NEDD9: variants seen among roughly 807,000 people sequenced by gnomAD.
NEDD9 encodes the protein enhancer of filamentation 1.
A neutral mutation model predicts 76.6 loss-of-function variants in NEDD9; 26 were observed. The observed-to-expected ratio is 0.34, with a 90% CI of 0.25 to 0.47. The LOEUF is 0.47. Among genes scored for constraint, NEDD9 ranks in the 20% least tolerant of loss-of-function variants. The probability of loss-of-function intolerance (pLI) is 1.00; values close to 1 mark genes in which losing one functional copy is unlikely to be tolerated. For synonymous variants in NEDD9, 392 were observed against 414.2 expected (o/e 0.95, Z 0.65); for missense variants, 937 against 1,058.5 (o/e 0.89, Z 1.59).
intron 3 of NEDD9, among the ~76,000 whole-genome samples, chr6:11,262,051 C>A (rs1581988443): frequency 6.6e-6 from 1 of 152,216 alleles, no homozygotes; most frequent in African/African-American, 2.4e-5. Flanking sequence ...AAATTGAGAG[C>A]CTTATGTATT....
chr6:11,360,929 T>G (rs1762669833), intron 1 of NEDD9, among the ~76,000 whole-genome samples: 1 of 152,232 alleles, frequency 6.6e-6, no homozygotes, highest in Non-Finnish European at 1.5e-5. Context: ...TAGAGCAGAC[T>G]GTCCACCCAG....
At chr6:11,236,925 C>A (rs963803509), upstream of NEDD9, among the ~76,000 whole-genome samples, 1 of 152,172 alleles carries the variant, frequency 6.6e-6, no homozygotes, top group Non-Finnish European at 1.5e-5. The surrounding 1 kb of genome is among the most constrained non-coding windows in gnomAD (Gnocchi z 5.5). Flanking sequence ...GACCCCCATC[C>A]CACCCTCTAG....
chr6:11,329,613 T>C (rs1055248881), intron 2 of NEDD9, among the ~76,000 whole-genome samples: 1 of 152,214 alleles, frequency 6.6e-6, no homozygotes, highest in African/African-American at 2.4e-5. Context: ...CCCTGTGCAA[T>C]GTCCCTCCCC....
intron 3 of NEDD9, among the ~76,000 whole-genome samples, chr6:11,302,718 A>G (rs918089139): frequency 6.6e-6 from 1 of 152,204 alleles, no homozygotes; most frequent in Non-Finnish European, 1.5e-5. Context: ...AACATACACA[A>G]ATCTGTAAAT....
At chr6:11,223,711 T>G (rs1379797389) in intron 1 of NEDD9, among the ~76,000 whole-genome samples, 2 of 152,204 alleles carry the variant, frequency 1.3e-5, no homozygotes, top group Non-Finnish European at 2.9e-5. Flanking sequence ...CAAGAACAAT[T>G]GGATGCAAAT....
intron 3 of NEDD9, among the ~76,000 whole-genome samples, chr6:11,299,710 CA>C (rs1760991959): frequency 6.6e-6 from 1 of 152,188 alleles, no homozygotes. Flanking sequence ...TGGTGATACC[CA>C]GGCAAACAGG....
At chr6:11,284,081 C>A (rs1448450017) in intron 3 of NEDD9, among the ~76,000 whole-genome samples, 1 of 152,046 alleles carries the variant, frequency 6.6e-6, no homozygotes, top group African/African-American at 2.4e-5. Context: ...CAATCTCCTC[C>A]AGGGTTTTAG....
chr6:11,235,997 C>T (rs573182276), upstream of NEDD9, among the ~76,000 whole-genome samples: 1 of 152,280 alleles, frequency 6.6e-6, no homozygotes, highest in East Asian at 1.9e-4. This position sits in a 1 kb window ranked among gnomAD's most constrained non-coding sequence, Gnocchi z 4.1. Context: ...GAGCTCTGGT[C>T]TTAATGCAGC....
chr6:11,335,495 C>A (rs112899094), intron 1 of NEDD9, among the ~76,000 whole-genome samples: 4 of 152,168 alleles, frequency 2.6e-5, no homozygotes, highest in Admixed American at 2.6e-4. Context: ...CACAACAACA[C>A]CCGACTGCAC....
intron 1 of NEDD9, among the ~76,000 whole-genome samples, chr6:11,356,474 G>C (rs1762577300): frequency 6.6e-6 from 1 of 152,110 alleles, no homozygotes; most frequent in African/African-American, 2.4e-5. Context: ...AAATGGCCAG[G>C]ACACATCATT....
chr6:11,252,364 A>G lies in NEDD9; in HGVS notation c.13-38637T>C, dbSNP rs1375605186. Among the ~76,000 whole-genome samples, 1 of 152,210 alleles carries G rather than the reference A, an allele frequency of 6.6e-6. No individual in the cohort carries two copies. Among genetic ancestry groups the G allele is most frequent in the East Asian group, 1.9e-4 (1 of 5,200 alleles). On this transcript the variant is annotated intron_variant, in intron 3 of 3. Transcript: ENST00000397378. The surrounding 1 kb of genome is among the most constrained non-coding windows in gnomAD (Gnocchi z 4.3). ...TCAAGCAAAAGAATAGTAGTTTCCT[A>G]TTGCAATATCGGAACCAGCTCTCAC...
upstream of NEDD9, among the ~76,000 whole-genome samples, chr6:11,233,950 A>G (rs909083421): frequency 2.0e-5 from 3 of 151,988 alleles, no homozygotes; most frequent in African/African-American, 7.3e-5. Flanking sequence ...ACAAATTCCC[A>G]ATGGATGAAA....
At chr6:11,349,471 T>C (rs1274955026) in intron 1 of NEDD9, among the ~76,000 whole-genome samples, 2 of 152,178 alleles carry the variant, frequency 1.3e-5, no homozygotes, top group Non-Finnish European at 2.9e-5. Flanking sequence ...CATGCACATG[T>C]TATGTTTATT....
chr6:11,335,252 G>A (rs1762132808), intron 1 of NEDD9, among the ~76,000 whole-genome samples: 1 of 152,152 alleles, frequency 6.6e-6, no homozygotes, highest in African/African-American at 2.4e-5. Context: ...TGACGACCAG[G>A]TGAGTGGTTG....
chr6:11,234,705 A>G (rs1322612225), upstream of NEDD9, among the ~76,000 whole-genome samples: 1 of 125,926 alleles, frequency 7.9e-6, no homozygotes, highest in Non-Finnish European at 1.6e-5. Flanking sequence ...ACCTCAAAAC[A>G]TTTTTAATTT....
chr6:11,305,349 TA>T (rs1430648661), intron 3 of NEDD9: 12 of 312,804 alleles, frequency 3.8e-5, no homozygotes, highest in Non-Finnish European at 5.5e-5. Flanking sequence ...ACTCTACTAC[TA>T]AACAGAAAAG....
intron 3 of NEDD9, among the ~76,000 whole-genome samples, chr6:11,262,170 C>G (rs974298822): frequency 6.6e-6 from 1 of 152,180 alleles, no homozygotes; most frequent in Non-Finnish European, 1.5e-5. Flanking sequence ...GCTGGCCCAG[C>G]TTCTATTTGC....
intron 2 of NEDD9, among the ~76,000 whole-genome samples, chr6:11,319,797 CACACACTGGT>C (rs1394956936): frequency 6.6e-6 from 1 of 151,732 alleles, no homozygotes; most frequent in Non-Finnish European, 1.5e-5. Flanking sequence ...CATGCACACT[CACACACTGGT>C]GCACACTTGC....
intron 1 of NEDD9, among the ~76,000 whole-genome samples, chr6:11,375,862 T>C (rs570891856): frequency 6.6e-6 from 1 of 152,306 alleles, no homozygotes; most frequent in South Asian, 2.1e-4. Flanking sequence ...TCTCACTCTA[T>C]CACTCAGGCT....
Sources: allele counts gnomAD v4.1 joint callset (sites outside exome capture counted in the v4.1 genomes callset), GRCh38; gene constraint gnomAD v4.1.1; non-coding constraint Gnocchi (gnomAD v3.1); transcripts MANE v1.5; gene names NCBI Gene and HGNC (gene_info 2026-07-23, HGNC 2026-07-21).